Variants in TYW1 observed in about 807,000 individuals in gnomAD.
The protein encoded by TYW1 is S-adenosyl-L-methionine-dependent tRNA 4-demethylwyosine synthase TYW1.
TYW1 carries 46 observed loss-of-function variants against 96.2 expected under a neutral mutation model. The observed-to-expected ratio is 0.48, with a 90% CI of 0.38 to 0.61. The LOEUF is 0.61. Ranked by LOEUF, TYW1 falls within the 20% of genes least tolerant of loss-of-function variation. The pLI is 0.00. For missense variants in TYW1, 684 were observed against 909.6 expected, an observed-to-expected ratio of 0.75 and a Z score of 3.19; for synonymous variants, 274 against 323.0, an observed-to-expected ratio of 0.85 and a Z score of 1.63.
chr7:67,133,474 C>A lies in TYW1; in HGVS notation c.1698+15856C>A, dbSNP rs1421825559. ...CAGCACTTTGGGAGGCCAAGGCAGG[C>A]GGATCATGAAATCAAGAGATCGAGA... On this transcript the variant is annotated intron_variant, in intron 13 of 15. Coordinates refer to ENST00000359626, the MANE Select transcript of TYW1 (RefSeq NM_018264.4). 2.6e-5 allele frequency among the ~76,000 whole-genome samples: 4 copies of A among 151,886 alleles called. 1 individual carries two copies. Among genetic ancestry groups the A allele is most frequent in the African/African-American group, 9.7e-5 (4 of 41,318 alleles).
At chr7:67,072,963 T>TTTTTTTTTTTTTTTTTTTTTTTTG (rs1219374462) in intron 10 of TYW1, among the ~76,000 whole-genome samples, 8 of 118,590 alleles carry the variant, frequency 6.7e-5, no homozygotes, top group African/African-American at 2.8e-4. Flanking sequence ...TTTTTTTTTT[T>TTTTTTTTTTTTTTTTTTTTTTTTG]TATAGAGACA....
chr7:67,006,251 C>T (rs956375086), intron 3 of TYW1, among the ~76,000 whole-genome samples: 1 of 151,962 alleles, frequency 6.6e-6, no homozygotes, highest in African/African-American at 2.4e-5. Flanking sequence ...GTGGCACTGC[C>T]TCCTTCTCTC....
chr7:67,106,140 G>A (rs1477348005), intron 12 of TYW1, among the ~76,000 whole-genome samples: 15 of 151,980 alleles, frequency 9.9e-5, no homozygotes, highest in Non-Finnish European at 1.9e-4. Context: ...CAGGTGATCC[G>A]CCCACCTTGG....
At chr7:67,068,629 T>C (rs549595807) in intron 10 of TYW1, among the ~76,000 whole-genome samples, 1 of 152,354 alleles carries the variant, frequency 6.6e-6, no homozygotes, top group South Asian at 2.1e-4. Flanking sequence ...GTCCTTCAGC[T>C]GTCTTTTATG....
In TYW1 at chr7:67,049,991, A is replaced by T; in HGVS notation, c.1027A>T (p.Asn343Tyr). 2 of 1,614,150 alleles carry T rather than the reference A, an allele frequency of 1.2e-6. No individual in the cohort carries two copies. The highest frequency in any genetic ancestry group is 1.7e-6 in the Non-Finnish European group (2 of 1,180,016). Residue 343 changes from asparagine (N) to tyrosine (Y), a missense_variant, in exon 8 of 16, where the codon AAC (asparagine) becomes TAC (tyrosine). Coordinates refer to ENST00000359626, the MANE Select transcript of TYW1 (RefSeq NM_018264.4). ...QQEEKSGLFR[N>Y]MGRNEDGERR... is the part of the protein sequence containing the mutation. ...GGAAGAGAAGTCTGGTTTGTTCAGGAACATGGGGAGGAATGAAGATGGTGA... is the reference window on the plus strand; with the variant it reads ...GGAAGAGAAGTCTGGTTTGTTCAGGTACATGGGGAGGAATGAAGATGGTGA...
At chr7:67,210,221 G>A (rs1362351720) in intron 15 of TYW1, among the ~76,000 whole-genome samples, 2 of 152,090 alleles carry the variant, frequency 1.3e-5, no homozygotes, top group Non-Finnish European at 2.9e-5. Flanking sequence ...GAGGGATTTT[G>A]TGGAATGCCC....
chr7:67,013,464 T>C (rs1054981452), intron 4 of TYW1, among the ~76,000 whole-genome samples: 4 of 152,102 alleles, frequency 2.6e-5, no homozygotes, highest in East Asian at 3.8e-4. Flanking sequence ...GCTTCCTGCC[T>C]GAGGAGATGG....
intron 7 of TYW1, among the ~76,000 whole-genome samples, chr7:67,041,141 C>T (rs540835692): frequency 6.6e-6 from 1 of 152,156 alleles, no homozygotes; most frequent in East Asian, 1.9e-4. Context: ...TTTGGTATGA[C>T]ACAAAATAAG....
chr7:67,088,443 A>G (rs1331397889), intron 11 of TYW1, among the ~76,000 whole-genome samples: 2 of 152,232 alleles, frequency 1.3e-5, no homozygotes, highest in Non-Finnish European at 2.9e-5. Flanking sequence ...AGTCTGTAAC[A>G]CTTCAAAGAA....
chr7:67,024,278 C>T (rs1258085746), intron 6 of TYW1, among the ~76,000 whole-genome samples: 3 of 152,048 alleles, frequency 2.0e-5, no homozygotes, highest in Admixed American at 6.6e-5. Flanking sequence ...GATGCTCCTG[C>T]GTCAGCCTCC....
chr7:67,215,622 T>C (rs1406164332), intron 15 of TYW1, among the ~76,000 whole-genome samples: 6 of 152,044 alleles, frequency 3.9e-5, no homozygotes. Flanking sequence ...TTTTACTTGG[T>C]ATGTGTATTA....
intron 9 of TYW1, among the ~76,000 whole-genome samples, chr7:67,065,624 A>C (rs914974400): frequency 4.0e-5 from 6 of 151,796 alleles, no homozygotes; most frequent in African/African-American, 1.5e-4. Context: ...ATGCAGTACT[A>C]ATATGGACAG....
At chr7:67,171,475 G>A (rs753289607) in intron 13 of TYW1, among the ~76,000 whole-genome samples, 1 of 151,998 alleles carries the variant, frequency 6.6e-6, no homozygotes, top group Non-Finnish European at 1.5e-5. Flanking sequence ...AGTTAATCAT[G>A]TCGTTCATGT....
chr7:67,070,190 A>C (rs1795990944), intron 10 of TYW1, among the ~76,000 whole-genome samples: 1 of 152,116 alleles, frequency 6.6e-6, no homozygotes, highest in Admixed American at 6.5e-5. Context: ...CAACAGTTTG[A>C]TTATAACATA....
chr7:67,167,662 C>G (rs1211221704), intron 13 of TYW1, among the ~76,000 whole-genome samples: 2 of 151,718 alleles, frequency 1.3e-5, no homozygotes. Context: ...TTTTAAAAAA[C>G]AATCCTTTCC....
chr7:67,236,401 G>A (rs554048533), intron 15 of TYW1, among the ~76,000 whole-genome samples: 26 of 152,348 alleles, frequency 1.7e-4, no homozygotes, highest in African/African-American at 5.3e-4. Context: ...AAGGGCCTGC[G>A]TGACCAAGTC....
chr7:67,134,801 G>C (rs913691919), intron 13 of TYW1, among the ~76,000 whole-genome samples: 1 of 148,882 alleles, frequency 6.7e-6, no homozygotes, highest in Non-Finnish European at 1.5e-5. Flanking sequence ...TTTAATAATT[G>C]AGGTATAATT....
rs748375454 is a variant in TYW1, at chr7:67,238,613, C to T, written c.*84C>T. 56 of 1,547,970 alleles carry T rather than the reference C, an allele frequency of 3.6e-5. No homozygotes were observed. Among genetic ancestry groups the T allele is most frequent in the South Asian group, 2.5e-4 (20 of 81,396 alleles). On this transcript the variant is annotated 3_prime_UTR_variant, in exon 16 of 16. Coordinates refer to ENST00000359626, the MANE Select transcript of TYW1 (RefSeq NM_018264.4). ...GAACACCACTGTGATTCTCCAAGGACGAATTACGTAAATTATACTTTCATA... is the reference window on the plus strand; with the variant it reads ...GAACACCACTGTGATTCTCCAAGGATGAATTACGTAAATTATACTTTCATA...
At chr7:67,160,037 C>T (rs1200500087) in intron 13 of TYW1, among the ~76,000 whole-genome samples, 3 of 152,128 alleles carry the variant, frequency 2.0e-5, no homozygotes, top group Admixed American at 6.5e-5. Flanking sequence ...CTCCTGACCT[C>T]GTGATCAGCC....
Sources: allele counts gnomAD v4.1 joint callset (sites outside exome capture counted in the v4.1 genomes callset), GRCh38; gene constraint gnomAD v4.1.1; transcripts MANE v1.5; gene names NCBI Gene and HGNC (gene_info 2026-07-23, HGNC 2026-07-21).